Variants in CAMK2G observed in about 807,000 individuals in gnomAD.
CAMK2G encodes the protein calcium/calmodulin dependent protein kinase II gamma.
Under a neutral mutation model 88.7 loss-of-function variants are expected in CAMK2G, and 23 were observed. The observed-to-expected ratio is 0.26, with a 90% CI of 0.19 to 0.37. The LOEUF is 0.37. Among genes scored for constraint, CAMK2G ranks in the 10% least tolerant of loss-of-function variants. CAMK2G has a pLI of 1.00. For missense variants in CAMK2G, 476 were observed against 780.8 expected (o/e 0.61, Z 4.65); for synonymous variants, 263 against 294.8 (o/e 0.89, Z 1.11).
rs773931417 is a variant in CAMK2G, at chr10:73,860,823, C to A, written c.220+7G>T. 1 of 1,607,280 alleles carries A rather than the reference C, an allele frequency of 6.2e-7. No homozygotes were observed. ...ACCCACAAAATGCTCCATGCCCAGG[C>A]ACTCACCGATGTTTGGATGTTTCAG... On this transcript the variant is annotated splice_region_variant and intron_variant, in intron 3 of 22. Transcript: ENST00000423381.
At chr10:73,819,690 A>C in intron 18 of CAMK2G, 45 bp from the exon 19 acceptor site, 2 of 1,243,888 alleles carry the variant, frequency 1.6e-6, no homozygotes, top group Non-Finnish European at 2.2e-6. Context: ...CAGAGCAGCC[A>C]AAACAAACAG....
Position 73,839,656 on chromosome 10 carries a change from A to C in CAMK2G, c.947-55T>G, listed in dbSNP as rs536552261. 3.7e-5 allele frequency: 40 copies of C among 1,081,598 alleles called. No homozygotes were observed. Among genetic ancestry groups the C allele is most frequent in the Non-Finnish European group, 4.5e-5 (38 of 850,004 alleles). The allele number at this position is 1,081,598 out of a possible 1,614,324, so 67.0% of individuals were successfully genotyped here. A position where few individuals can be genotyped will look rare whatever the true frequency, so the allele number is the denominator to read the frequency against. ...AGCCCCGCAAAGCCACGGGGCCGTC[A>C]GCAGCGAGCATGCCCCAGCGCGAGG... On this transcript the variant is annotated intron_variant, in intron 12 of 22. Transcript: ENST00000423381. This position sits in a 1 kb window ranked among gnomAD's most constrained non-coding sequence, Gnocchi z 4.2.
chr10:73,837,467 C>T lies in CAMK2G; in HGVS notation c.1053+1G>A, dbSNP rs749960807. 6.2e-7 allele frequency: 1 copy of T among 1,612,998 alleles called. No individual in the cohort carries two copies. Among genetic ancestry groups the T allele is most frequent in the Non-Finnish European group, 8.5e-7 (1 of 1,178,974 alleles). Reference sequence around the variant, plus strand: ...TCTGTTCAGAGGCTGGAGACACTTACCTTGACACCGCCATCCGACTTCTTG... The same window carrying T: ...TCTGTTCAGAGGCTGGAGACACTTATCTTGACACCGCCATCCGACTTCTTG... On this transcript the variant is annotated splice_donor_variant, in intron 14 of 22. Transcript: ENST00000423381. LOFTEE classifies it high-confidence loss of function.
At chr10:73,817,652 GA>G in intron 19 of CAMK2G, 98 bp from the exon 20 acceptor site, 1 of 791,500 alleles carries the variant, frequency 1.3e-6, no homozygotes, top group Non-Finnish European at 2.3e-6. Flanking sequence ...GATCGCTTAT[GA>G]CAAAGACATC....
chr10:73,840,993 A>G (rs1565337148), intron 12 of CAMK2G, among the ~76,000 whole-genome samples: 1 of 152,162 alleles, frequency 6.6e-6, no homozygotes, highest in Non-Finnish European at 1.5e-5. Flanking sequence ...CGTCGTGGGT[A>G]CCCATGACAC....
chr10:73,814,463 T>C lies in CAMK2G; in HGVS notation c.*55A>G, dbSNP rs560132862. 2 of 154,190 alleles carry C rather than the reference T, an allele frequency of 1.3e-5. No individual in the cohort carries two copies. The highest frequency in any genetic ancestry group is 2.9e-5 in the Non-Finnish European group (2 of 68,914). 9.6% of individuals were successfully genotyped at this position (154,190 alleles called of 1,614,324 possible). On this transcript the variant is annotated 3_prime_UTR_variant, in exon 23 of 23. Transcript: ENST00000423381. The stretch of plus-strand genomic sequence containing the variant: ...TGTCACTCAGGCCCTCCAGAGCCAC[T>C]GGCTGCGAAGGTTGGACCTCCGGCT...
chr10:73,833,909 G>GTT (rs778838628), intron 14 of CAMK2G, among the ~76,000 whole-genome samples: 2,345 of 63,414 alleles, frequency 0.037, 757 homozygotes, highest in African/African-American at 0.16. Context: ...TATCTACTGG[G>GTT]TTTTTTTTTT....
In CAMK2G at chr10:73,813,521, G is replaced by C. The variant is rs540766592; in HGVS notation, c.*997C>G. 6.5e-6 allele frequency: 1 copy of C among 152,776 alleles called. No homozygotes were observed. The highest frequency in any genetic ancestry group is 2.1e-4 in the South Asian group (1 of 4,838). 9.5% of individuals were successfully genotyped at this position (152,776 alleles called of 1,614,324 possible). ...ACAGGGGCACTTGGCAGAGGGCCCAGGCCCAGATGAGGGTCAGCATGGGGA... is the reference window on the plus strand; with the variant it reads ...ACAGGGGCACTTGGCAGAGGGCCCACGCCCAGATGAGGGTCAGCATGGGGA... On this transcript the variant is annotated 3_prime_UTR_variant, in exon 23 of 23. Transcript: ENST00000423381.
chr10:73,828,850 C>T (rs2091795402), intron 14 of CAMK2G, among the ~76,000 whole-genome samples: 1 of 152,200 alleles, frequency 6.6e-6, no homozygotes, highest in Non-Finnish European at 1.5e-5. Context: ...ATTCCTCAGC[C>T]TCAACTAGAT....
intron 17 of CAMK2G, 113 bp from the exon 18 acceptor site, chr10:73,821,843 G>A (rs2088926046): frequency 3.6e-6 from 3 of 844,328 alleles, no homozygotes; most frequent in Non-Finnish European, 5.9e-6. Flanking sequence ...GAGGAATTGT[G>A]GAAGGTTCTG....
chr10:73,855,547 A>G (rs1199423690), intron 3 of CAMK2G, among the ~76,000 whole-genome samples: 3 of 150,936 alleles, frequency 2.0e-5, no homozygotes, highest in African/African-American at 7.3e-5. Flanking sequence ...CATGCCCCAC[A>G]CCACCCTGCC....
chr10:73,849,126 A>G lies in CAMK2G; in HGVS notation c.415-11T>C. On this transcript the variant is annotated splice_polypyrimidine_tract_variant and intron_variant, in intron 6 of 22. Transcript: ENST00000423381. ...CAGCAGGTTCTCAGGCTGCAGAAGA[A>G]ACACAGAGAACCTTGTGAGCACCCA... The G allele has an allele frequency of 6.2e-7, 1 of 1,610,556 alleles. No individual in the cohort carries two copies. Among genetic ancestry groups the G allele is most frequent in the Non-Finnish European group, 8.5e-7 (1 of 1,176,730 alleles).
At chr10:73,863,539 C>T (rs1365685603) in intron 2 of CAMK2G, among the ~76,000 whole-genome samples, 1 of 152,234 alleles carries the variant, frequency 6.6e-6, no homozygotes, top group Middle Eastern at 3.2e-3. Context: ...GCACAAACCT[C>T]ACCACCCTCC....
In CAMK2G at chr10:73,853,607, C is replaced by T. The variant is rs535457979; in HGVS notation, c.221-361G>A. ...CGTGAGCAGCACCTAGCAATGTTGA[C>T]GGCAGGGGACAACAATGACCAGATG... On this transcript the variant is annotated intron_variant, in intron 3 of 22. Coordinates refer to ENST00000423381, the MANE Select transcript of CAMK2G (RefSeq NM_001367534.1). 1.4e-4 allele frequency among the ~76,000 whole-genome samples: 22 copies of T among 152,280 alleles called. No individual in the cohort carries two copies. In the East Asian group the frequency reaches 2.9e-3, roughly 20 times the overall value.
rs1306513374 is a variant in CAMK2G at position 73,839,719 on chromosome 10, G to C, written c.947-118C>G. ...GGCGTGGCCAAGCCAGCCGAGCTGG[G>C]GGAGCGGAGCGCCAGGGGCAGGCTG... On this transcript the variant is annotated intron_variant, in intron 12 of 22. Coordinates refer to ENST00000423381, the MANE Select transcript of CAMK2G (RefSeq NM_001367534.1). The surrounding 1 kb of genome is among the most constrained non-coding windows in gnomAD (Gnocchi z 4.2). The C allele has an allele frequency of 1.9e-6, 1 of 527,006 alleles. No individual in the cohort carries two copies. Among genetic ancestry groups the C allele is most frequent in the African/African-American group, 2.0e-5 (1 of 50,804 alleles). The allele number at this position is 527,006 out of a possible 1,614,324, so 32.6% of individuals were successfully genotyped here. A position where few individuals can be genotyped will look rare whatever the true frequency, so the allele number is the denominator to read the frequency against.
chr10:73,859,582 G>T (rs72814371), intron 3 of CAMK2G, among the ~76,000 whole-genome samples: 3 of 152,328 alleles, frequency 2.0e-5, no homozygotes, highest in Non-Finnish European at 4.4e-5. Flanking sequence ...AAACCACCTA[G>T]GAGCTCCAGT....
intron 5 of CAMK2G, among the ~76,000 whole-genome samples, chr10:73,849,659 G>C (rs1323415829): frequency 6.6e-6 from 1 of 152,220 alleles, no homozygotes; most frequent in South Asian, 2.1e-4. Context: ...TGAGGAAGAA[G>C]AGAGCATCCA....
chr10:73,815,147 G>A lies in CAMK2G; in HGVS notation c.1635C>T (p.Thr545=). ...GCCGACCCTGCCCGTCGATGTACTG[G>A]GTGAGGCGGATGTAGGCGATGCACG... ...DAACIAYIRL[T]QYIDGQGRPR... Residue 545 remains threonine, a synonymous_variant, in exon 22 of 23, where the codon ACC becomes ACT. Coordinates refer to ENST00000423381, the MANE Select transcript of CAMK2G (RefSeq NM_001367534.1). 1 of 1,614,228 alleles carries A rather than the reference G, an allele frequency of 6.2e-7. No individual in the cohort carries two copies. The highest frequency in any genetic ancestry group is 1.1e-5 in the South Asian group (1 of 91,088).
At chr10:73,830,386 C>T (rs992632009) in intron 14 of CAMK2G, among the ~76,000 whole-genome samples, 3 of 152,150 alleles carry the variant, frequency 2.0e-5, no homozygotes, top group South Asian at 2.1e-4. Context: ...ATCTTCCTGC[C>T]TCAGCCACCT....
Sources: gnomAD v4.1 joint callset for allele counts (sites outside exome capture counted in the v4.1 genomes callset) on GRCh38, gnomAD v4.1.1 for gene constraint, Gnocchi (gnomAD v3.1) non-coding constraint, MANE v1.5 for transcripts, NCBI Gene and HGNC (gene_info 2026-07-23, HGNC 2026-07-21) for gene names.